Variants in FGGY observed in about 807,000 individuals in gnomAD.
FGGY encodes FGGY carbohydrate kinase domain-containing protein.
A neutral mutation model predicts 71.3 loss-of-function variants in FGGY; 72 were observed. That is an observed-to-expected ratio of 1.01 (90% CI 0.84 to 1.23). FGGY has a LOEUF of 1.23. Ranked by LOEUF, FGGY falls within the 50% of genes most tolerant of loss-of-function variation. The pLI, the probability that FGGY is intolerant of heterozygous loss-of-function variation, is 0.00. For synonymous variants in FGGY, 251 were observed against 250.3 expected (o/e 1.00, Z -0.02); for missense variants, 668 against 682.3 (o/e 0.98, Z 0.23).
At chr1:59,323,618 C>A (rs1319385852) in intron 2 of FGGY, among the ~76,000 whole-genome samples, 4 of 152,184 alleles carry the variant, frequency 2.6e-5, no homozygotes, top group African/African-American at 9.6e-5. Flanking sequence ...ATTCTGCAGC[C>A]AGACTGCCTA....
intron 5 of FGGY, among the ~76,000 whole-genome samples, chr1:59,441,035 C>T (rs1427183331): frequency 2.6e-5 from 4 of 152,040 alleles, no homozygotes; most frequent in African/African-American, 7.2e-5. Context: ...TTCTCAGAAC[C>T]TCCACAGAGC....
At chr1:59,399,346 A>C (rs145723163) in intron 5 of FGGY, among the ~76,000 whole-genome samples, 1 of 152,290 alleles carries the variant, frequency 6.6e-6, no homozygotes, top group African/African-American at 2.4e-5. Flanking sequence ...TATGTCAGGC[A>C]TTATATTAGG....
intron 6 of FGGY, among the ~76,000 whole-genome samples, chr1:59,486,121 G>C (rs2093650862): frequency 6.6e-6 from 1 of 152,150 alleles, no homozygotes; most frequent in Non-Finnish European, 1.5e-5. Flanking sequence ...CCATTGTTTA[G>C]TATCCATTCT....
intron 8 of FGGY, among the ~76,000 whole-genome samples, chr1:59,598,893 C>T (rs2096548591): frequency 1.3e-5 from 2 of 152,184 alleles, no homozygotes; most frequent in African/African-American, 4.8e-5. Flanking sequence ...TACACATTAC[C>T]TGTTAATACA....
intron 9 of FGGY, among the ~76,000 whole-genome samples, chr1:59,624,614 G>A (rs1220847418): frequency 6.6e-6 from 1 of 152,112 alleles, no homozygotes; most frequent in Non-Finnish European, 1.5e-5. Flanking sequence ...GTTCCACATG[G>A]CTGGGGAGGC....
At chr1:59,351,440 T>G (rs868707185) in intron 4 of FGGY, among the ~76,000 whole-genome samples, 6 of 152,254 alleles carry the variant, frequency 3.9e-5, no homozygotes, top group South Asian at 2.1e-4. Context: ...ACACTCTTAA[T>G]TTTACTTCAT....
At chr1:59,337,046 G>T (rs1183449625) in intron 2 of FGGY, among the ~76,000 whole-genome samples, 8 of 122,334 alleles carry the variant, frequency 6.5e-5, no homozygotes, top group East Asian at 2.5e-4. Flanking sequence ...TATGTATATA[G>T]TCATATATAT....
chr1:59,421,966 T>A (rs1377771229), intron 5 of FGGY, among the ~76,000 whole-genome samples: 1 of 152,212 alleles, frequency 6.6e-6, no homozygotes, highest in Non-Finnish European at 1.5e-5. Flanking sequence ...CTTACTTTGT[T>A]ACTTTGATTT....
At chr1:59,324,889 C>T (rs1190029816) in intron 2 of FGGY, among the ~76,000 whole-genome samples, 1 of 152,192 alleles carries the variant, frequency 6.6e-6, no homozygotes, top group Non-Finnish European at 1.5e-5. Context: ...GAAGTGTGTG[C>T]CCCCTCAGCA....
At chr1:59,507,100 A>G (rs983461284) in intron 6 of FGGY, among the ~76,000 whole-genome samples, 4 of 152,178 alleles carry the variant, frequency 2.6e-5, no homozygotes, top group African/African-American at 9.7e-5. Flanking sequence ...GCTCAGCCAC[A>G]TGGTTGAAGA....
At chr1:59,620,917 A>G (rs2096800396) in intron 9 of FGGY, among the ~76,000 whole-genome samples, 1 of 152,024 alleles carries the variant, frequency 6.6e-6, no homozygotes, top group East Asian at 1.9e-4. Flanking sequence ...GTATTAGTCT[A>G]CTCTTGACTA....
At chr1:59,673,785 A>C in intron 13 of FGGY, 1 of 387,348 alleles carries the variant, frequency 2.6e-6, no homozygotes, top group East Asian at 4.5e-5. Flanking sequence ...AAACCTGGGC[A>C]CTGAGGTCTC....
chr1:59,398,247 A>AT (rs550997123), intron 5 of FGGY, among the ~76,000 whole-genome samples: 2,603 of 149,224 alleles, frequency 0.017, 28 homozygotes, highest in Admixed American at 0.059. Flanking sequence ...GTAAAAAAAA[A>AT]TTTTTTTTTT....
chr1:59,317,129 A>C (rs776628546), intron 1 of FGGY, among the ~76,000 whole-genome samples: 5 of 152,210 alleles, frequency 3.3e-5, no homozygotes, highest in Admixed American at 6.5e-5. Flanking sequence ...GGGTTGCTAT[A>C]AGGATTAAAT....
intron 4 of FGGY, among the ~76,000 whole-genome samples, chr1:59,352,311 G>A (rs74942774): frequency 0.019 from 2,938 of 152,266 alleles, 106 homozygotes; most frequent in African/African-American, 0.068. Flanking sequence ...GGTAATTAAC[G>A]TGGCTTGTAG....
chr1:59,547,430 T>C (rs994561393), intron 7 of FGGY, among the ~76,000 whole-genome samples: 3 of 152,168 alleles, frequency 2.0e-5, no homozygotes, highest in Admixed American at 6.5e-5. Flanking sequence ...TTCTGTGAAC[T>C]CCACGAGATA....
At chr1:59,687,618 C>T (rs1435125143) in intron 14 of FGGY, among the ~76,000 whole-genome samples, 5 of 151,522 alleles carry the variant, frequency 3.3e-5, no homozygotes, top group Non-Finnish European at 5.9e-5. Context: ...AGGTACCCAC[C>T]ACCACACCTG....
intron 4 of FGGY, among the ~76,000 whole-genome samples, chr1:59,369,088 C>T (rs1469629139): frequency 1.2e-4 from 18 of 152,106 alleles, no homozygotes; most frequent in African/African-American, 2.2e-4. Flanking sequence ...GCGCACTGTG[C>T]GCAAGCCGAA....
At chr1:59,675,202 A>T (rs1342217532) in intron 14 of FGGY, among the ~76,000 whole-genome samples, 1 of 152,142 alleles carries the variant, frequency 6.6e-6, no homozygotes, top group African/African-American at 2.4e-5. Flanking sequence ...GCAGAGTCCA[A>T]ATGACTTGCC....
Sources: allele counts gnomAD v4.1 joint callset (sites outside exome capture counted in the v4.1 genomes callset), GRCh38; gene constraint gnomAD v4.1.1; transcripts MANE v1.5; gene names NCBI Gene and HGNC (gene_info 2026-07-23, HGNC 2026-07-21).